The following KCNQ5 variants were observed in gnomAD, a reference collection of about 807,000 sequenced individuals.
The protein encoded by KCNQ5 is potassium voltage-gated channel subfamily Q member 5, also known as potassium voltage-gated channel subfamily KQT member 5.
A neutral mutation model predicts 98.2 loss-of-function variants in KCNQ5; 30 were observed. That is an observed-to-expected ratio of 0.31 (90% CI 0.23 to 0.41). The LOEUF is 0.41. Ranked by LOEUF, KCNQ5 falls within the 10% of genes least tolerant of loss-of-function variation. The pLI is 1.00. For missense variants in KCNQ5, 835 were observed against 1,182.5 expected, an observed-to-expected ratio of 0.71 and a Z score of 4.31; for synonymous variants, 458 against 449.4, an observed-to-expected ratio of 1.02 and a Z score of -0.24.
intron 1 of KCNQ5, among the ~76,000 whole-genome samples, chr6:72,845,853 T>C (rs538971794): frequency 6.6e-6 from 1 of 152,324 alleles, no homozygotes; most frequent in South Asian, 2.1e-4. Context: ...AAGTGGGCTG[T>C]CAGTAAAACT....
intron 1 of KCNQ5, among the ~76,000 whole-genome samples, chr6:72,876,137 G>A (rs1473406077): frequency 6.6e-6 from 1 of 151,888 alleles, no homozygotes; most frequent in African/African-American, 2.4e-5. Flanking sequence ...TTATTATCCT[G>A]TTTAAAAGAG....
At chr6:72,981,899 C>T (rs775261132) in intron 1 of KCNQ5, among the ~76,000 whole-genome samples, 3 of 152,202 alleles carry the variant, frequency 2.0e-5, no homozygotes, top group Non-Finnish European at 4.4e-5. Flanking sequence ...TTTCTGCCTT[C>T]ATTTCGTTAT....
At chr6:72,695,894 CTAAAAAA>C (rs1302155774) in intron 1 of KCNQ5, among the ~76,000 whole-genome samples, 1 of 151,944 alleles carries the variant, frequency 6.6e-6, no homozygotes, top group East Asian at 1.9e-4. Context: ...GTCTCTGTCT[CTAAAAAA>C]TAAAAAATAA....
chr6:73,195,405 A>G lies in KCNQ5; in HGVS notation c.2790A>G (p.Lys930=). 1.9e-6 allele frequency: 3 copies of G among 1,612,276 alleles called. No individual in the cohort carries two copies. Among genetic ancestry groups the G allele is most frequent in the Non-Finnish European group, 2.5e-6 (3 of 1,178,580 alleles). The change falls in exon 14 of 14, where the codon AAA becomes AAG. Residue 930 remains lysine (K), a synonymous_variant. Transcript: ENST00000370398. ...STDALSLPHV[K]LK ...ATGCCCTCAGCTTGCCTCATGTCAA[A>G]CTGAAATAAGTTCTTCATTTTCTTT...
rs749815944 is a variant in KCNQ5, at chr6:73,192,603, A to T, written c.1748A>T (p.Asp583Val). 9.3e-6 allele frequency: 15 copies of T among 1,612,330 alleles called. No individual in the cohort carries two copies. The highest frequency in any genetic ancestry group is 1.3e-5 in the Non-Finnish European group (15 of 1,179,096). The part of the protein sequence containing the change: ...QILGKGQITS[D>V]KKSREKITAE... ...CTTGGAAAAGGGCAAATCACATCAGATAAGAAGAGCCGAGAGAAAATAACA... is the reference window on the plus strand; with the variant it reads ...CTTGGAAAAGGGCAAATCACATCAGTTAAGAAGAGCCGAGAGAAAATAACA... The change falls in exon 13 of 14, where the codon GAT (aspartate) becomes GTT (valine). Residue 583 changes from aspartate to valine, a missense_variant. Asp to Val is a radical substitution (Grantham distance 152, BLOSUM62 -3). Transcript: ENST00000370398.
At chr6:72,629,169 C>G (rs1363058376) in intron 1 of KCNQ5, among the ~76,000 whole-genome samples, 2 of 152,174 alleles carry the variant, frequency 1.3e-5, no homozygotes, top group Admixed American at 1.3e-4. Flanking sequence ...GAATTTTACT[C>G]TGTTGGCCAT....
chr6:72,659,715 ATG>A (rs1766410369), intron 1 of KCNQ5, among the ~76,000 whole-genome samples: 2 of 152,204 alleles, frequency 1.3e-5, no homozygotes, highest in African/African-American at 4.8e-5. Flanking sequence ...CTTTGCCCTC[ATG>A]ACTTAATTAC....
intron 1 of KCNQ5, among the ~76,000 whole-genome samples, chr6:72,883,685 G>A (rs1323066899): frequency 6.6e-6 from 1 of 152,178 alleles, no homozygotes. Context: ...GAACTGAACA[G>A]AAAAGTTCCC....
chr6:73,042,172 T>G, intron 3 of KCNQ5, 110 bp downstream of exon 3: 2 of 1,259,630 alleles, frequency 1.6e-6, no homozygotes, highest in Non-Finnish European at 2.3e-6. Flanking sequence ...ATGGAGTACT[T>G]ATCATGGACC....
chr6:73,099,444 C>A (rs909144108), intron 5 of KCNQ5, among the ~76,000 whole-genome samples: 2 of 152,018 alleles, frequency 1.3e-5, no homozygotes. Context: ...CATACTTCAT[C>A]TATAAAGACT....
intron 1 of KCNQ5, among the ~76,000 whole-genome samples, chr6:72,903,512 G>A (rs953279027): frequency 6.6e-6 from 1 of 152,014 alleles, no homozygotes; most frequent in African/African-American, 2.4e-5. Flanking sequence ...GTATCCCAGA[G>A]GTTTTGATAG....
At chr6:72,877,802 T>A (rs1778477194) in intron 1 of KCNQ5, among the ~76,000 whole-genome samples, 1 of 152,264 alleles carries the variant, frequency 6.6e-6, no homozygotes, top group Non-Finnish European at 1.5e-5. Context: ...TTTGCATTTC[T>A]CTAACGGCCA....
At chr6:72,765,842 C>A (rs946144062) in intron 1 of KCNQ5, among the ~76,000 whole-genome samples, 3 of 151,984 alleles carry the variant, frequency 2.0e-5, no homozygotes, top group Admixed American at 2.0e-4. Flanking sequence ...AGAGTGGAAA[C>A]TGGGAGACCT....
At chr6:73,097,531 C>G (rs1562176889) in intron 5 of KCNQ5, among the ~76,000 whole-genome samples, 1 of 152,066 alleles carries the variant, frequency 6.6e-6, no homozygotes, top group Non-Finnish European at 1.5e-5. Context: ...AGATCCAGAA[C>G]AAAATAAGGA....
intron 3 of KCNQ5, among the ~76,000 whole-genome samples, chr6:73,061,369 T>G (rs964483995): frequency 7.0e-6 from 1 of 142,998 alleles, no homozygotes; most frequent in Non-Finnish European, 1.5e-5. Flanking sequence ...GTTTAAAATA[T>G]AAATATGTTA....
chr6:72,966,273 A>C (rs1204081224), intron 1 of KCNQ5, among the ~76,000 whole-genome samples: 1 of 152,192 alleles, frequency 6.6e-6, no homozygotes, highest in African/African-American at 2.4e-5. Flanking sequence ...TAAAAAGAAA[A>C]GCAGGCTAGG....
At chr6:72,827,320 G>A (rs558631830) in intron 1 of KCNQ5, among the ~76,000 whole-genome samples, 7 of 152,176 alleles carry the variant, frequency 4.6e-5, no homozygotes, top group African/African-American at 1.7e-4. Flanking sequence ...TAGAGTGGCT[G>A]TACTAGTTTA....
At chr6:73,106,809 G>A (rs553889229) in intron 6 of KCNQ5, among the ~76,000 whole-genome samples, 69 of 152,288 alleles carry the variant, frequency 4.5e-4, no homozygotes, top group African/African-American at 1.6e-3. Flanking sequence ...ATAGAATGGA[G>A]GAAGAATTAT....
At chr6:72,921,898 C>T (rs538144212) in intron 1 of KCNQ5, among the ~76,000 whole-genome samples, 17 of 152,234 alleles carry the variant, frequency 1.1e-4, no homozygotes, top group African/African-American at 3.4e-4. Flanking sequence ...AATATATTAA[C>T]TTTGTCAGTT....
Sources: allele counts gnomAD v4.1 joint callset (sites outside exome capture counted in the v4.1 genomes callset), GRCh38; gene constraint gnomAD v4.1.1; transcripts MANE v1.5; gene names NCBI Gene and HGNC (gene_info 2026-07-23, HGNC 2026-07-21).